CPNE8: variants seen among roughly 807,000 people sequenced by gnomAD.
The protein encoded by CPNE8 is copine-8.
A neutral mutation model predicts 81.5 loss-of-function variants in CPNE8; 45 were observed. The ratio of observed to expected loss-of-function variants is 0.55; its 90% confidence interval spans 0.44 to 0.71. The LOEUF (loss-of-function observed/expected upper bound fraction) is 0.71, where lower values mean the gene tolerates loss of function less well. Among genes scored for constraint, CPNE8 ranks in the 30% least tolerant of loss-of-function variants. CPNE8 has a pLI of 0.00. For synonymous variants in CPNE8, 252 were observed against 226.3 expected, an observed-to-expected ratio of 1.11 and a Z score of -1.02; for missense variants, 594 against 672.1, an observed-to-expected ratio of 0.88 and a Z score of 1.28.
chr12:38,687,971 G>A (rs150108013), intron 15 of CPNE8, among the ~76,000 whole-genome samples: 20 of 152,184 alleles, frequency 1.3e-4, no homozygotes, highest in East Asian at 1.9e-4. Context: ...AATCTGAGCC[G>A]ACCTATTTAA....
rs776937053 is a variant in CPNE8 at position 38,829,471 on chromosome 12, A to C, written c.331-16T>G. The C allele has an allele frequency of 5.7e-6, 9 of 1,573,968 alleles. No individual in the cohort carries two copies. The South Asian group carries it at 7.8e-5, about 14-fold the overall frequency. ...CCAGAAAGTCCTGAAATAGATAAAA[A>C]GATTAAAGCTCATAAGTTTCCAAAC... On this transcript the variant is annotated splice_polypyrimidine_tract_variant and intron_variant, in intron 5 of 19. Coordinates refer to ENST00000331366, the MANE Select transcript of CPNE8 (RefSeq NM_153634.3).
intron 16 of CPNE8, among the ~76,000 whole-genome samples, chr12:38,683,786 G>A (rs900175376): frequency 4.0e-5 from 6 of 151,892 alleles, no homozygotes; most frequent in African/African-American, 1.5e-4. Context: ...AAATAATAAA[G>A]AATTATTAGA....
intron 5 of CPNE8, among the ~76,000 whole-genome samples, chr12:38,830,041 G>T (rs1434339676): frequency 6.6e-6 from 1 of 152,132 alleles, no homozygotes. Flanking sequence ...ATTAGTTATT[G>T]CATGAGTTAA....
chr12:38,680,786 A>C (rs1939392297), intron 16 of CPNE8, among the ~76,000 whole-genome samples: 2 of 152,084 alleles, frequency 1.3e-5, no homozygotes, highest in African/African-American at 4.8e-5. Flanking sequence ...AGATTGAATA[A>C]ATAAAGCATA....
intron 18 of CPNE8, among the ~76,000 whole-genome samples, chr12:38,672,099 A>G: frequency 6.6e-6 from 1 of 152,178 alleles, no homozygotes. Context: ...ATATGCACCA[A>G]TGGTAACACT....
At chr12:38,745,183 T>C (rs2136807370) in intron 10 of CPNE8, among the ~76,000 whole-genome samples, 1 of 152,318 alleles carries the variant, frequency 6.6e-6, no homozygotes, top group South Asian at 2.1e-4. Flanking sequence ...TATAACGTAC[T>C]CAGAACCACA....
chr12:38,888,419 G>GT (rs1196893970), intron 1 of CPNE8, among the ~76,000 whole-genome samples: 8 of 152,082 alleles, frequency 5.3e-5, no homozygotes, highest in African/African-American at 1.4e-4. Flanking sequence ...GGCAAGGTTG[G>GT]TTTTTTTCTT....
At chr12:38,679,704 T>C in intron 16 of CPNE8, 5 of 984,946 alleles carry the variant, frequency 5.1e-6, no homozygotes, top group Non-Finnish European at 6.0e-6. Context: ...TGTTGCACTT[T>C]GAAAGTAAAT....
intron 13 of CPNE8, among the ~76,000 whole-genome samples, chr12:38,719,496 G>A (rs1030162429): frequency 2.6e-5 from 4 of 151,428 alleles, no homozygotes; most frequent in African/African-American, 4.9e-5. Flanking sequence ...CCAGCTACTC[G>A]GGAGGCTGAG....
intron 5 of CPNE8, among the ~76,000 whole-genome samples, chr12:38,830,409 A>G (rs572648105): frequency 6.6e-6 from 1 of 152,318 alleles, no homozygotes; most frequent in Admixed American, 6.5e-5. Context: ...GATATGCCAC[A>G]TAAGAATTTA....
chr12:38,653,969 G>C lies in CPNE8; in HGVS notation c.1608C>G (p.Leu536=). The C allele has an allele frequency of 1.9e-6, 3 of 1,613,752 alleles. No individual in the cohort carries two copies. The highest frequency in any genetic ancestry group is 1.1e-5 in the South Asian group (1 of 91,022). ...DVLAEIPEQF[L]SYMRARGIKP... ...TGATTCCTCGGGCTCTCATATAGGA[G>C]AGAAACTGCTCAGGGATCTCAGCTA... Residue 536 remains leucine (L), a synonymous_variant, in exon 20 of 20, where the codon CTC becomes CTG. Transcript: ENST00000331366.
At chr12:38,717,363 T>A (rs1251306613) in intron 13 of CPNE8, among the ~76,000 whole-genome samples, 1 of 147,632 alleles carries the variant, frequency 6.8e-6, no homozygotes, top group Non-Finnish European at 1.5e-5. Flanking sequence ...GCACAATTTC[T>A]AATTATAAAT....
At chr12:38,859,198 T>A (rs1350829601) in intron 3 of CPNE8, among the ~76,000 whole-genome samples, 1 of 150,724 alleles carries the variant, frequency 6.6e-6, no homozygotes, top group Non-Finnish European at 1.5e-5. Context: ...AAAAAAAAAA[T>A]CCCAAAGACT....
intron 16 of CPNE8, among the ~76,000 whole-genome samples, chr12:38,685,136 T>G (rs1939504808): frequency 1.3e-5 from 2 of 152,230 alleles, no homozygotes; most frequent in African/African-American, 4.8e-5. Flanking sequence ...TACTTATTAC[T>G]ATTATGGAAT....
chr12:38,741,294 A>G (rs1941098031), intron 10 of CPNE8, among the ~76,000 whole-genome samples: 1 of 152,214 alleles, frequency 6.6e-6, no homozygotes, highest in East Asian at 1.9e-4. Context: ...CTACAAGGCT[A>G]CAGTCACCAA....
intron 14 of CPNE8, among the ~76,000 whole-genome samples, chr12:38,698,070 C>T (rs75103926): frequency 0.03 from 4,618 of 152,242 alleles, 212 homozygotes; most frequent in East Asian, 0.13. Context: ...GTCACCAGCA[C>T]TTGTTATTTG....
intron 6 of CPNE8, among the ~76,000 whole-genome samples, chr12:38,785,704 A>G (rs905722302): frequency 1.3e-5 from 2 of 152,220 alleles, no homozygotes; most frequent in African/African-American, 4.8e-5. Context: ...CTTTATTAGC[A>G]CCATGAGACA....
chr12:38,763,721 T>C (rs1280405005), intron 8 of CPNE8, among the ~76,000 whole-genome samples: 1 of 152,230 alleles, frequency 6.6e-6, no homozygotes, highest in African/African-American at 2.4e-5. Flanking sequence ...CAGCAGTTTC[T>C]GAGCTAGAAG....
chr12:38,904,824 T>A (rs114400703), intron 1 of CPNE8, among the ~76,000 whole-genome samples: 8,106 of 151,680 alleles, frequency 0.053, 687 homozygotes, highest in African/African-American at 0.18. Flanking sequence ...CGAAAACAAA[T>A]CAAAACAAAA....
Sources: gnomAD v4.1 joint callset for allele counts (sites outside exome capture counted in the v4.1 genomes callset) on GRCh38, gnomAD v4.1.1 for gene constraint, MANE v1.5 for transcripts, NCBI Gene and HGNC (gene_info 2026-07-23, HGNC 2026-07-21) for gene names.